CNTNAP4: variants seen among roughly 807,000 people sequenced by gnomAD.
The protein encoded by CNTNAP4 is contactin associated protein family member 4.
In CNTNAP4, 98 loss-of-function variants were observed where a neutral mutation model predicts 148.4. That is an observed-to-expected ratio of 0.66 (90% CI 0.56 to 0.78). The LOEUF is 0.78. Ranked by LOEUF, CNTNAP4 falls within the 30% of genes least tolerant of loss-of-function variation. The pLI, the probability that CNTNAP4 is intolerant of heterozygous loss-of-function variation, is 0.00. For missense variants in CNTNAP4, 1,935 were observed against 1,565.6 expected, an observed-to-expected ratio of 1.24 and a Z score of -3.98; for synonymous variants, 730 against 565.1, an observed-to-expected ratio of 1.29 and a Z score of -4.14.
In CNTNAP4 at chr16:76,446,181, TATG is replaced by T. The variant is rs563665165; in HGVS notation, c.539-1827_539-1825del. Among the ~76,000 whole-genome samples the T allele has an allele frequency of 6.6e-5, 10 of 152,270 alleles. No individual in the cohort carries two copies. The South Asian group carries it at 1.2e-3, about 19-fold the overall frequency. ...GTGTGTATAGACATTTCACATAAAA[TATG>T]ATGGATAATCTGAATCAAATGCATA... On this transcript the variant is annotated intron_variant, in intron 4 of 23. Transcript: ENST00000611870.
At chr16:76,469,083 A>G (rs1009697368) in intron 10 of CNTNAP4, among the ~76,000 whole-genome samples, 4 of 152,214 alleles carry the variant, frequency 2.6e-5, no homozygotes, top group African/African-American at 7.2e-5. Context: ...ATATTTGTCA[A>G]TCCTATTTTG....
At chr16:76,545,501 A>G (rs148434544) in intron 21 of CNTNAP4, among the ~76,000 whole-genome samples, 101 of 152,310 alleles carry the variant, frequency 6.6e-4, no homozygotes, top group African/African-American at 2.2e-3. Flanking sequence ...GGAGTGGGCA[A>G]GTGTATTCCT....
chr16:76,537,001 C>G (rs2084240905), intron 18 of CNTNAP4, among the ~76,000 whole-genome samples: 1 of 152,174 alleles, frequency 6.6e-6, no homozygotes, highest in Non-Finnish European at 1.5e-5. Flanking sequence ...GCCAAATGCT[C>G]TTTTCAAGTC....
intron 23 of CNTNAP4, among the ~76,000 whole-genome samples, chr16:76,554,507 T>C (rs2085107894): frequency 1.3e-5 from 2 of 152,252 alleles, no homozygotes; most frequent in Non-Finnish European, 2.9e-5. Context: ...ACAAAAACTT[T>C]TAAAGTATGT....
chr16:76,521,453 T>C, intron 16 of CNTNAP4, 143 bp downstream of exon 16: 1 of 590,540 alleles, frequency 1.7e-6, no homozygotes, highest in Non-Finnish European at 2.7e-6. Context: ...TAATATTAAC[T>C]TATCCTGTTT....
rs191973121 is a variant in CNTNAP4 at position 76,554,006 on chromosome 16, C to G, written c.3733+99C>G. On this transcript the variant is annotated intron_variant, in intron 23 of 23. Transcript: ENST00000611870. ...AAACTGTGAAGAATCTGCACATACTCCAAGTGCCAGGCACTGAATCCTGAG... is the reference window on the plus strand; with the variant it reads ...AAACTGTGAAGAATCTGCACATACTGCAAGTGCCAGGCACTGAATCCTGAG... 1.4e-5 allele frequency: 10 copies of G among 726,312 alleles called. No homozygotes were observed. In the African/African-American group the frequency reaches 1.6e-4, roughly 12 times the overall value. The allele number at this position is 726,312 out of a possible 1,614,324, so 45.0% of individuals were successfully genotyped here.
intron 8 of CNTNAP4, among the ~76,000 whole-genome samples, chr16:76,454,572 ACTCT>A (rs1173515756): frequency 6.6e-6 from 1 of 151,486 alleles, no homozygotes; most frequent in African/African-American, 2.4e-5. Context: ...TTATTTAAAA[ACTCT>A]CTCTACTCTT....
At chr16:76,442,661 A>G (rs570159481) in intron 4 of CNTNAP4, among the ~76,000 whole-genome samples, 1 of 152,188 alleles carries the variant, frequency 6.6e-6, no homozygotes, top group African/African-American at 2.4e-5. Flanking sequence ...CACTCTTGCA[A>G]GAACAAATCC....
At chr16:76,347,797 TGAACTGG>T (rs1363215569) in intron 2 of CNTNAP4, among the ~76,000 whole-genome samples, 1 of 151,414 alleles carries the variant, frequency 6.6e-6, no homozygotes, top group Non-Finnish European at 1.5e-5. Flanking sequence ...TGGAGGGCAG[TGAACTGG>T]GAAGAAGAAA....
intron 2 of CNTNAP4, among the ~76,000 whole-genome samples, chr16:76,344,249 A>G (rs1160917289): frequency 6.6e-6 from 1 of 152,180 alleles, no homozygotes; most frequent in Non-Finnish European, 1.5e-5. Flanking sequence ...AGAAAAAATC[A>G]TTGTGATGCC....
intron 17 of CNTNAP4, among the ~76,000 whole-genome samples, chr16:76,522,606 T>C (rs58211868): frequency 4.5e-5 from 3 of 67,384 alleles, no homozygotes; most frequent in East Asian, 3.6e-4. Flanking sequence ...CTTTCTTTTC[T>C]TTATTTCCTT....
chr16:76,375,576 T>C (rs1339198604), intron 3 of CNTNAP4, among the ~76,000 whole-genome samples: 1 of 152,162 alleles, frequency 6.6e-6, no homozygotes, highest in Non-Finnish European at 1.5e-5. Context: ...TTACCTTTGC[T>C]CCAGGAAAAG....
intron 2 of CNTNAP4, among the ~76,000 whole-genome samples, chr16:76,322,225 T>C (rs1054992785): frequency 6.6e-6 from 1 of 152,232 alleles, no homozygotes; most frequent in Non-Finnish European, 1.5e-5. Flanking sequence ...TTGTTAGCAC[T>C]GCCTGATATT....
intron 4 of CNTNAP4, among the ~76,000 whole-genome samples, chr16:76,443,219 C>A (rs181011850): frequency 6.6e-6 from 1 of 152,056 alleles, no homozygotes; most frequent in East Asian, 1.9e-4. Flanking sequence ...AATTCTTATT[C>A]TTCCTTTCAG....
intron 4 of CNTNAP4, among the ~76,000 whole-genome samples, chr16:76,434,826 G>C (rs571117875): frequency 2.0e-5 from 3 of 152,260 alleles, no homozygotes; most frequent in East Asian, 3.9e-4. Context: ...CTGGGGAAAT[G>C]ACCACAGGAT....
At chr16:76,333,587 C>G (rs972919469) in intron 2 of CNTNAP4, among the ~76,000 whole-genome samples, 2 of 152,076 alleles carry the variant, frequency 1.3e-5, no homozygotes, top group African/African-American at 4.8e-5. Flanking sequence ...GATCCAATAT[C>G]ATTGCTTCCT....
chr16:76,363,728 C>T (rs538143729), intron 3 of CNTNAP4, among the ~76,000 whole-genome samples: 1 of 152,164 alleles, frequency 6.6e-6, no homozygotes, highest in South Asian at 2.1e-4. Context: ...TATTTGGAAA[C>T]CATGTATCTG....
intron 1 of CNTNAP4, among the ~76,000 whole-genome samples, chr16:76,303,437 A>G (rs1345087277): frequency 6.6e-6 from 1 of 152,206 alleles, no homozygotes; most frequent in Non-Finnish European, 1.5e-5. Flanking sequence ...TAAGAATTGA[A>G]TTGAGACTTA....
At chr16:76,294,720 C>T (rs540062034) in intron 1 of CNTNAP4, among the ~76,000 whole-genome samples, 1 of 152,152 alleles carries the variant, frequency 6.6e-6, no homozygotes, top group Non-Finnish European at 1.5e-5. Context: ...CTTGGGGTTT[C>T]ACTTTACTCT....
Sources: allele counts gnomAD v4.1 joint callset (sites outside exome capture counted in the v4.1 genomes callset), GRCh38; gene constraint gnomAD v4.1.1; transcripts MANE v1.5; gene names NCBI Gene and HGNC (gene_info 2026-07-23, HGNC 2026-07-21).